RASL12: variants seen among roughly 807,000 people sequenced by gnomAD.
The protein encoded by RASL12 is RAS like family 12.
Under a neutral mutation model 22.9 loss-of-function variants are expected in RASL12, and 16 were observed. That is an observed-to-expected ratio of 0.70 (90% confidence interval 0.47 to 1.06). The LOEUF (loss-of-function observed/expected upper bound fraction) is 1.06, where lower values mean the gene tolerates loss of function less well. Among genes scored for constraint, RASL12 ranks in the 50% least tolerant of loss-of-function variants. The pLI is 0.00. For missense variants in RASL12, 306 were observed against 353.1 expected, an observed-to-expected ratio of 0.87 and a Z score of 1.07; for synonymous variants, 159 against 152.2, an observed-to-expected ratio of 1.04 and a Z score of -0.33.
At chr15:65,049,739 C>G, downstream of RASL12, 1 of 345,896 alleles carries the variant, frequency 2.9e-6, no homozygotes, top group African/African-American at 2.1e-5. Context: ...TGAGTCACTC[C>G]CACTTCCAGT....
chr15:65,060,216 G>A (rs949576174), intron 2 of RASL12, among the ~76,000 whole-genome samples: 2 of 152,160 alleles, frequency 1.3e-5, no homozygotes, highest in African/African-American at 2.4e-5. Context: ...CCAGGCATGG[G>A]GCCTGGCTCA....
At chr15:65,059,612 C>T (rs979807477) in intron 2 of RASL12, among the ~76,000 whole-genome samples, 194 bp from the exon 3 acceptor site, 1 of 152,230 alleles carries the variant, frequency 6.6e-6, no homozygotes, top group Admixed American at 6.5e-5. Context: ...TGCTGCTCCA[C>T]CTGCAGGGCT....
At chr15:65,068,048 G>A, upstream of RASL12, 5 of 1,106,658 alleles carry the variant, frequency 4.5e-6, no homozygotes, top group Non-Finnish European at 5.5e-6. This position sits in a 1 kb window ranked among gnomAD's most constrained non-coding sequence, Gnocchi z 4.2. Flanking sequence ...CACCCCAAGC[G>A]CCACCAAATT....
chr15:65,059,438 C>T lies in RASL12; in HGVS notation c.161-20G>A. The T allele has an allele frequency of 6.2e-7, 1 of 1,601,126 alleles. No individual in the cohort carries two copies. The highest frequency in any genetic ancestry group is 1.1e-5 in the South Asian group (1 of 90,758). On this transcript the variant is annotated intron_variant, in intron 2 of 4. Transcript: ENST00000220062. ...TGTCCTCTACAACACAGATGGTTAG[C>T]CAGGTCAGACACAGTGCCTTGGGTG...
intron 2 of RASL12, among the ~76,000 whole-genome samples, chr15:65,060,041 T>G (rs2086783385): frequency 6.6e-6 from 1 of 152,250 alleles, no homozygotes. Flanking sequence ...GCCAAATCAC[T>G]TCAGCTCTCT....
downstream of RASL12, chr15:65,051,376 G>C (rs905911683): frequency 1.4e-6 from 1 of 731,820 alleles, no homozygotes; most frequent in African/African-American, 1.7e-5. Flanking sequence ...CCAGGGCAAG[G>C]GGCCCATCTT....
chr15:65,068,760 T>A (rs529393968), upstream of RASL12, among the ~76,000 whole-genome samples: 1 of 152,244 alleles, frequency 6.6e-6, no homozygotes, highest in East Asian at 1.9e-4. The surrounding 1 kb of genome is among the most constrained non-coding windows in gnomAD (Gnocchi z 4.2). Flanking sequence ...GTAAATCTGG[T>A]CATACCAAAG....
chr15:65,058,573 G>A lies in RASL12; in HGVS notation c.279C>T (p.Ala93=). 1 of 1,602,732 alleles carries A rather than the reference G, an allele frequency of 6.2e-7. No homozygotes were observed. The highest frequency in any genetic ancestry group is 8.5e-7 in the Non-Finnish European group (1 of 1,172,258). The change falls in exon 4 of 5, where the codon GCC becomes GCT. Residue 93 remains alanine, a synonymous_variant. Transcript: ENST00000220062. ...TGTCGACGCTGTACACCACCAGGAA[G>A]GCATGGGCCCAGTTCAGGTAGCGCT... ...NCERYLNWAH[A]FLVVYSVDSR...
At chr15:65,075,967 G>A (rs1387347681) in intron 1 of RASL12, among the ~76,000 whole-genome samples, 2 of 152,242 alleles carry the variant, frequency 1.3e-5, no homozygotes, top group African/African-American at 4.8e-5. Flanking sequence ...TCTGTATCTA[G>A]CTGCTCTGGT....
upstream of RASL12, among the ~76,000 whole-genome samples, chr15:65,070,593 G>C (rs1386385859): frequency 1.3e-5 from 2 of 152,176 alleles, no homozygotes; most frequent in Non-Finnish European, 2.9e-5. Context: ...CCCAGCAGTG[G>C]GCATGCAGCA....
At chr15:65,056,718 AGAC>A (rs1424723895) in intron 4 of RASL12, among the ~76,000 whole-genome samples, 8 of 152,160 alleles carry the variant, frequency 5.3e-5, no homozygotes, top group Non-Finnish European at 7.3e-5. Context: ...TTTAACAGTG[AGAC>A]AGTCGTGGGA....
intron 2 of RASL12, among the ~76,000 whole-genome samples, chr15:65,064,089 A>T (rs1247385902): frequency 6.6e-6 from 1 of 152,214 alleles, no homozygotes; most frequent in Non-Finnish European, 1.5e-5. Flanking sequence ...ACAATAGACA[A>T]ATGTTATACA....
the RASL12 span, among the ~76,000 whole-genome samples, chr15:65,046,364 G>A: frequency 6.6e-6 from 1 of 152,130 alleles, no homozygotes; most frequent in South Asian, 2.1e-4. Flanking sequence ...CAGCTACTTG[G>A]GAGGCTGAGG....
intron 1 of RASL12, among the ~76,000 whole-genome samples, chr15:65,067,075 T>G (rs1217868088): frequency 1.3e-5 from 2 of 151,918 alleles, no homozygotes; most frequent in Non-Finnish European, 2.9e-5. Context: ...ACGAACACAT[T>G]TGATAAGAAT....
At chr15:65,067,446 C>T (rs1395284416) in intron 1 of RASL12, among the ~76,000 whole-genome samples, 5 of 151,762 alleles carry the variant, frequency 3.3e-5, no homozygotes, top group African/African-American at 4.8e-5. Flanking sequence ...GGAGAGACAG[C>T]AGGGGTCACT....
chr15:65,076,655 C>A, exon 1 of RASL12: 2 of 734,696 alleles, frequency 2.7e-6, no homozygotes, highest in South Asian at 3.1e-5. Flanking sequence ...GGGCCTGCAG[C>A]CATACAGCCT....
At chr15:65,064,147 G>T (rs1365073068) in intron 2 of RASL12, among the ~76,000 whole-genome samples, 2 of 152,206 alleles carry the variant, frequency 1.3e-5, no homozygotes, top group African/African-American at 4.8e-5. Flanking sequence ...GCTTTGATTT[G>T]TTTTAGAAGG....
upstream of RASL12, among the ~76,000 whole-genome samples, chr15:65,071,225 TCTGTGCTCTAGAAAGG>T (rs2086930017): frequency 6.6e-6 from 1 of 152,158 alleles, no homozygotes; most frequent in African/African-American, 2.4e-5. Flanking sequence ...CAACACTGGG[TCTGTGCTCTAGAAAGG>T]CTCAGAGTCT....
chr15:65,053,261 G>T, downstream of RASL12: 2 of 1,473,938 alleles, frequency 1.4e-6, no homozygotes, highest in Non-Finnish European at 1.8e-6. Context: ...CTCCCAAGAA[G>T]CCGCTTTTTT....
Sources: allele counts gnomAD v4.1 joint callset (sites outside exome capture counted in the v4.1 genomes callset), GRCh38; gene constraint gnomAD v4.1.1; non-coding constraint Gnocchi (gnomAD v3.1); transcripts MANE v1.5; gene names NCBI Gene and HGNC (gene_info 2026-07-23, HGNC 2026-07-21).